HS6ST3: variants seen among roughly 807,000 people sequenced by gnomAD.
HS6ST3 encodes the protein heparan sulfate 6-O-sulfotransferase 3.
In HS6ST3, 12 loss-of-function variants were observed where a neutral mutation model predicts 36.7. That is an observed-to-expected ratio of 0.33 (90% CI 0.21 to 0.53). The LOEUF (loss-of-function observed/expected upper bound fraction) is 0.53, where lower values mean the gene tolerates loss of function less well. HS6ST3 is among the 20% of genes least tolerant of loss of function. HS6ST3 has a pLI of 0.95. For synonymous variants in HS6ST3, 240 were observed against 257.5 expected, an observed-to-expected ratio of 0.93 and a Z score of 0.65; for missense variants, 584 against 640.9, an observed-to-expected ratio of 0.91 and a Z score of 0.96.
At chr13:96,643,002 A>G (rs1235006865) in intron 1 of HS6ST3, among the ~76,000 whole-genome samples, 2 of 151,916 alleles carry the variant, frequency 1.3e-5, no homozygotes, top group Admixed American at 6.6e-5. Flanking sequence ...CACACATTTT[A>G]GCTAATATAA....
At chr13:96,381,390 C>T (rs1177909610) in intron 1 of HS6ST3, among the ~76,000 whole-genome samples, 9 of 74,936 alleles carry the variant, frequency 1.2e-4, no homozygotes, top group African/African-American at 4.2e-4. Flanking sequence ...ATCTATGTAT[C>T]TATGTATCTA....
At chr13:96,369,980 C>T (rs2055281767) in intron 1 of HS6ST3, among the ~76,000 whole-genome samples, 1 of 151,818 alleles carries the variant, frequency 6.6e-6, no homozygotes, top group African/African-American at 2.4e-5. Flanking sequence ...CTGAATTTTC[C>T]ACTAATAGAG....
chr13:96,281,076 G>A (rs1378515018), intron 1 of HS6ST3, among the ~76,000 whole-genome samples: 6 of 151,976 alleles, frequency 3.9e-5, no homozygotes, highest in Admixed American at 2.0e-4. Flanking sequence ...GCACAATCTC[G>A]GCTCACTGCA....
intron 1 of HS6ST3, among the ~76,000 whole-genome samples, chr13:96,131,792 G>T (rs1594687960): frequency 1.4e-5 from 2 of 147,000 alleles, no homozygotes; most frequent in African/African-American, 2.5e-5. Flanking sequence ...AAAATAAAAT[G>T]TCTAAGATAG....
At chr13:96,703,710 G>A (rs1875347035) in intron 1 of HS6ST3, among the ~76,000 whole-genome samples, 1 of 152,180 alleles carries the variant, frequency 6.6e-6, no homozygotes. Flanking sequence ...GCTTAAGCAT[G>A]TTGATATTAG....
intron 1 of HS6ST3, among the ~76,000 whole-genome samples, chr13:96,354,657 C>A (rs2055200947): frequency 6.6e-6 from 1 of 151,864 alleles, no homozygotes; most frequent in Admixed American, 6.6e-5. Flanking sequence ...TACATGTTAC[C>A]ATTACAACAA....
In HS6ST3 at chr13:96,733,486, C is replaced by T. The variant is rs149256418; in HGVS notation, c.708-99004C>T. ...CCATGTTCTCCAGTCATTTTAAGTACTTAAGGATTGTACATTTCTTTTGAT... is the reference window on the plus strand; with the variant it reads ...CCATGTTCTCCAGTCATTTTAAGTATTTAAGGATTGTACATTTCTTTTGAT... On this transcript the variant is annotated intron_variant, in intron 1 of 1. Coordinates refer to ENST00000376705, the MANE Select transcript of HS6ST3 (RefSeq NM_153456.4). 2.8e-3 allele frequency among the ~76,000 whole-genome samples: 430 copies of T among 152,224 alleles called. 3 individuals are homozygous for T. The highest frequency in any genetic ancestry group is 0.01 in the African/African-American group (424 of 41,536).
intron 1 of HS6ST3, among the ~76,000 whole-genome samples, chr13:96,534,535 A>C (rs1316424179): frequency 6.6e-6 from 1 of 152,220 alleles, no homozygotes; most frequent in African/African-American, 2.4e-5. Context: ...GTGAAGAATC[A>C]ACATATGTTA....
chr13:96,563,823 C>T (rs1323483619), intron 1 of HS6ST3, among the ~76,000 whole-genome samples: 2 of 152,180 alleles, frequency 1.3e-5, no homozygotes, highest in Admixed American at 1.3e-4. Context: ...CCCAATCAAC[C>T]TCTCATGCAC....
At chr13:96,164,551 T>C (rs1166760427) in intron 1 of HS6ST3, among the ~76,000 whole-genome samples, 1 of 149,916 alleles carries the variant, frequency 6.7e-6, no homozygotes, top group Non-Finnish European at 1.5e-5. Flanking sequence ...AATGAGACCC[T>C]GCCTGAAAAA....
intron 1 of HS6ST3, among the ~76,000 whole-genome samples, chr13:96,251,874 C>G (rs954391898): frequency 9.9e-5 from 15 of 152,172 alleles, no homozygotes; most frequent in African/African-American, 3.1e-4. Flanking sequence ...ATCCAATTTT[C>G]CTCCTGTTAT....
intron 1 of HS6ST3, among the ~76,000 whole-genome samples, chr13:96,741,421 A>G (rs1876436892): frequency 6.6e-6 from 1 of 152,214 alleles, no homozygotes; most frequent in Non-Finnish European, 1.5e-5. Context: ...TATTCTGCAC[A>G]CTGCACTTCC....
At chr13:96,102,223 T>G (rs1346038074) in intron 1 of HS6ST3, among the ~76,000 whole-genome samples, 1 of 152,232 alleles carries the variant, frequency 6.6e-6, no homozygotes, top group Non-Finnish European at 1.5e-5. Flanking sequence ...CTTTTATTGA[T>G]AAATGTCAAA....
At chr13:96,152,397 G>A (rs1169334721) in intron 1 of HS6ST3, among the ~76,000 whole-genome samples, 6 of 149,754 alleles carry the variant, frequency 4.0e-5, no homozygotes, top group African/African-American at 1.5e-4. Context: ...GAGTGCAGTG[G>A]AGCGATCTCA....
At chr13:96,317,346 A>T (rs1239930514) in intron 1 of HS6ST3, among the ~76,000 whole-genome samples, 1 of 18,290 alleles carries the variant, frequency 5.5e-5, no homozygotes. Flanking sequence ...ATATATATAT[A>T]TATATATATA....
intron 1 of HS6ST3, among the ~76,000 whole-genome samples, chr13:96,128,204 C>T (rs568270190): frequency 5.3e-5 from 8 of 152,294 alleles, no homozygotes; most frequent in East Asian, 3.9e-4. Flanking sequence ...GGATGACCTA[C>T]GGGTGGGATC....
rs950763059 is a variant in HS6ST3 at position 96,779,473 on chromosome 13, G to C, written c.708-53017G>C. Among the ~76,000 whole-genome samples, 98 of 152,196 alleles carry C rather than the reference G, an allele frequency of 6.4e-4. 2 individuals carry two copies. Among genetic ancestry groups the C allele is most frequent in the African/African-American group, 2.2e-3 (93 of 41,524 alleles). ...AGAGCTACATTTGAGAAGGATCCTTGTGAATATAGTGCAAAAAATACATTT... is the reference window on the plus strand; with the variant it reads ...AGAGCTACATTTGAGAAGGATCCTTCTGAATATAGTGCAAAAAATACATTT... On this transcript the variant is annotated intron_variant, in intron 1 of 1. Transcript: ENST00000376705.
Position 96,283,674 on chromosome 13 carries a change from G to A in HS6ST3, c.707+192105G>A, listed in dbSNP as rs553937415. On this transcript the variant is annotated intron_variant, in intron 1 of 1. Coordinates refer to ENST00000376705, the MANE Select transcript of HS6ST3 (RefSeq NM_153456.4). ...GTAATCTCAAAATAGATATGTGTAT[G>A]TGTATAATTATCTATAATTTGCTTT... Among the ~76,000 whole-genome samples, 5 of 152,316 alleles carry A rather than the reference G, an allele frequency of 3.3e-5. No homozygotes were observed. In the South Asian group the frequency reaches 1.0e-3, roughly 32 times the overall value.
At chr13:96,417,234 C>T (rs1471459783) in intron 1 of HS6ST3, among the ~76,000 whole-genome samples, 2 of 152,040 alleles carry the variant, frequency 1.3e-5, no homozygotes, top group Non-Finnish European at 2.9e-5. Flanking sequence ...GATTCATTTA[C>T]CTAATGCTAT....
Sources: allele counts gnomAD v4.1 joint callset (sites outside exome capture counted in the v4.1 genomes callset), GRCh38; gene constraint gnomAD v4.1.1; transcripts MANE v1.5; gene names NCBI Gene and HGNC (gene_info 2026-07-23, HGNC 2026-07-21).